Variants in CAPN13 observed in about 807,000 individuals in gnomAD.
CAPN13 encodes calpain 13.
Under a neutral mutation model 98.4 loss-of-function variants are expected in CAPN13, and 90 were observed. That is an observed-to-expected ratio of 0.92 (90% CI 0.77 to 1.09). The LOEUF is 1.09. Among genes scored for constraint, CAPN13 ranks in the 50% least tolerant of loss-of-function variants. The pLI is 0.00. For synonymous variants in CAPN13, 330 were observed against 305.5 expected, an observed-to-expected ratio of 1.08 and a Z score of -0.84; for missense variants, 887 against 841.3, an observed-to-expected ratio of 1.05 and a Z score of -0.67.
At chr2:30,758,171 C>G (rs1470686849) in intron 7 of CAPN13, 34 bp from the exon 8 acceptor site, 1 of 1,512,040 alleles carries the variant, frequency 6.6e-7, no homozygotes, top group Middle Eastern at 1.7e-4. Flanking sequence ...ACTCAGTGCT[C>G]TACAGCAAAA....
rs146715750 is a variant in CAPN13 at position 30,750,022 on chromosome 2, A to C, written c.1236+1081T>G. On this transcript the variant is annotated intron_variant, in intron 11 of 22. Coordinates refer to ENST00000295055, the MANE Select transcript of CAPN13 (RefSeq NM_144575.3). Reference sequence around the variant, plus strand: ...ACACAGGCATGTGACTGTGCATTGCAGCACTGTTCACAATAGCAAAGACAT... The same window carrying C: ...ACACAGGCATGTGACTGTGCATTGCCGCACTGTTCACAATAGCAAAGACAT... 1.0e-3 allele frequency among the ~76,000 whole-genome samples: 156 copies of C among 152,358 alleles called. 1 individual carries two copies. The highest frequency in any genetic ancestry group is 3.4e-3 in the African/African-American group (140 of 41,580).
chr2:30,795,979 T>C (rs193250129), intron 1 of CAPN13, among the ~76,000 whole-genome samples: 3 of 151,786 alleles, frequency 2.0e-5, no homozygotes, highest in African/African-American at 4.8e-5. Flanking sequence ...AAATCTGAAA[T>C]AGACTTGCAG....
At chr2:30,741,874 C>T (rs1233480914) in intron 15 of CAPN13, 34 bp downstream of exon 15, 3 of 1,613,778 alleles carry the variant, frequency 1.9e-6, no homozygotes, top group Middle Eastern at 1.7e-4. Flanking sequence ...TTTCTCCAAT[C>T]CCACGTAAGG....
intron 10 of CAPN13, among the ~76,000 whole-genome samples, chr2:30,751,926 T>C (rs1053775737): frequency 4.6e-5 from 7 of 152,208 alleles, no homozygotes; most frequent in South Asian, 2.1e-4. Flanking sequence ...GATCACTGGC[T>C]CTCTTTTCTT....
intron 1 of CAPN13, among the ~76,000 whole-genome samples, chr2:30,788,501 T>C (rs951526132): frequency 6.6e-6 from 1 of 152,180 alleles, no homozygotes; most frequent in Non-Finnish European, 1.5e-5. Context: ...GTTATGGGAA[T>C]TGAAAAACCT....
At chr2:30,735,604 G>T (rs1385992132) in intron 18 of CAPN13, among the ~76,000 whole-genome samples, 2 of 152,164 alleles carry the variant, frequency 1.3e-5, no homozygotes, top group African/African-American at 4.8e-5. Context: ...CCTTGCCCCG[G>T]GGGACCCAGG....
At chr2:30,742,386 A>G (rs1335671657) in intron 13 of CAPN13, 27 bp from the exon 14 acceptor site, 3 of 1,598,302 alleles carry the variant, frequency 1.9e-6, no homozygotes, top group Non-Finnish European at 2.6e-6. Context: ...CAGTGTGACA[A>G]AGATGACCAG....
intron 4 of CAPN13, among the ~76,000 whole-genome samples, chr2:30,775,462 C>CT (rs1411338861): frequency 3.1e-4 from 47 of 151,450 alleles, no homozygotes; most frequent in South Asian, 4.2e-4. Flanking sequence ...ATCACAGTGG[C>CT]TTTTTTTAAA....
intron 4 of CAPN13, among the ~76,000 whole-genome samples, chr2:30,774,094 C>A (rs1673550487): frequency 6.6e-6 from 1 of 151,820 alleles, no homozygotes; most frequent in African/African-American, 2.4e-5. Flanking sequence ...AAGAAACAAC[C>A]CCTATATGAA....
At chr2:30,737,394 A>C (rs1265635604) in intron 17 of CAPN13, 2 of 152,460 alleles carry the variant, frequency 1.3e-5, no homozygotes. Context: ...AGGGGCTGGC[A>C]GGGCAGCATC....
chr2:30,757,692 G>C (rs893193924), intron 8 of CAPN13, among the ~76,000 whole-genome samples: 2 of 152,154 alleles, frequency 1.3e-5, no homozygotes, highest in African/African-American at 4.8e-5. Context: ...TCGGGGCTTG[G>C]CTCCTGCCTG....
At chr2:30,730,682 G>A in intron 22 of CAPN13, 48 bp downstream of exon 22, 1 of 775,420 alleles carries the variant, frequency 1.3e-6, no homozygotes, top group African/African-American at 1.7e-5. Context: ...AGGGGAAGGA[G>A]GACTCATGCT....
At position 30,743,531 on chromosome 2, in the gene CAPN13, T is replaced by C. The variant is rs1572801576; in HGVS notation, c.1297A>G (p.Thr433Ala). 1 of 1,613,908 alleles carries C rather than the reference T, an allele frequency of 6.2e-7. No homozygotes were observed. The highest frequency in any genetic ancestry group is 2.2e-5 in the East Asian group (1 of 44,884). Residue 433 changes from threonine to alanine, a missense_variant, in exon 13 of 23, where the codon ACT becomes GCT. Coordinates refer to ENST00000295055, the MANE Select transcript of CAPN13 (RefSeq NM_144575.3). ...AATTTATTATTTGAGCTTTGGACAG[T>C]GTTTCTGAACGAGGAAAAAAACACG... The part of the protein sequence containing the change: ...PPVFFSSFRN[T>A]VQSSNNKFRR...
chr2:30,777,440 A>G, intron 3 of CAPN13, 127 bp downstream of exon 3: 2 of 769,464 alleles, frequency 2.6e-6, no homozygotes, highest in Non-Finnish European at 4.4e-6. Context: ...GGGCGTGAGC[A>G]GTTTGTCCAC....
chr2:30,787,721 G>C (rs1448748501), intron 1 of CAPN13, among the ~76,000 whole-genome samples: 1 of 152,236 alleles, frequency 6.6e-6, no homozygotes, highest in Non-Finnish European at 1.5e-5. Flanking sequence ...CCCATGAGTT[G>C]CATTGGAAAG....
At chr2:30,777,489 G>A in intron 3 of CAPN13, 78 bp downstream of exon 3, 1 of 1,283,634 alleles carries the variant, frequency 7.8e-7, no homozygotes, top group Non-Finnish European at 1.1e-6. Flanking sequence ...CCTCAGAAGT[G>A]GGGCAGGACT....
intron 18 of CAPN13, among the ~76,000 whole-genome samples, chr2:30,736,214 T>G: frequency 7.6e-5 from 2 of 26,368 alleles, no homozygotes; most frequent in Admixed American, 6.2e-4. Context: ...TTGCAGTGGA[T>G]GCAGGGGCGG....
intron 4 of CAPN13, among the ~76,000 whole-genome samples, chr2:30,771,633 G>T (rs147564539): frequency 6.6e-6 from 1 of 152,204 alleles, no homozygotes; most frequent in African/African-American, 2.4e-5. Context: ...CCGAAGCACC[G>T]AGGGAAGCTA....
chr2:30,800,149 AAAGAAAG>A (rs1675163750), intron 1 of CAPN13, among the ~76,000 whole-genome samples: 4 of 148,808 alleles, frequency 2.7e-5, no homozygotes, highest in African/African-American at 7.6e-5. Context: ...AGAAAGAAAG[AAAGAAAG>A]AAAGAAAGAA....
Sources: allele counts gnomAD v4.1 joint callset (sites outside exome capture counted in the v4.1 genomes callset), GRCh38; gene constraint gnomAD v4.1.1; transcripts MANE v1.5; gene names NCBI Gene and HGNC (gene_info 2026-07-23, HGNC 2026-07-21).